The following KLF12 variants were observed in gnomAD, a reference collection of about 807,000 sequenced individuals.
KLF12 encodes KLF transcription factor 12.
In KLF12, 9 loss-of-function variants were observed where a neutral mutation model predicts 37.8. That is an observed-to-expected ratio of 0.24 (90% CI 0.14 to 0.42). The LOEUF (loss-of-function observed/expected upper bound fraction) is 0.42. Ranked by LOEUF, KLF12 falls within the 10% of genes least tolerant of loss-of-function variation. The pLI is 1.00. For synonymous variants in KLF12, 208 were observed against 202.1 expected, an observed-to-expected ratio of 1.03 and a Z score of -0.25; for missense variants, 411 against 516.0, an observed-to-expected ratio of 0.80 and a Z score of 1.97.
the KLF12 span, among the ~76,000 whole-genome samples, chr13:74,255,593 T>A: frequency 6.6e-6 from 1 of 152,220 alleles, no homozygotes; most frequent in Non-Finnish European, 1.5e-5. Context: ...GAGAAGGATA[T>A]CCACAAAACA....
the KLF12 span, among the ~76,000 whole-genome samples, chr13:74,265,170 C>T: frequency 2.6e-5 from 4 of 152,226 alleles, no homozygotes; most frequent in Middle Eastern, 0.01. Flanking sequence ...ATTGTGGCTT[C>T]TCTTGTCAGT....
At chr13:74,238,475 C>T in the KLF12 span, among the ~76,000 whole-genome samples, 2 of 137,942 alleles carry the variant, frequency 1.4e-5, no homozygotes, top group Non-Finnish European at 3.0e-5. Context: ...AGGGAGGATT[C>T]CCTCTTTTTC....
intron 1 of KLF12, among the ~76,000 whole-genome samples, chr13:74,066,521 A>G (rs7992090): frequency 0.92 from 140,023 of 152,042 alleles, 65,571 homozygotes; most frequent in East Asian, 1. Flanking sequence ...AAATTAGCCA[A>G]CACGCACCTG....
intron 3 of KLF12, among the ~76,000 whole-genome samples, chr13:73,889,370 G>A (rs1234321167): frequency 6.6e-6 from 1 of 152,142 alleles, no homozygotes; most frequent in Non-Finnish European, 1.5e-5. Flanking sequence ...ACACTAAGTA[G>A]TATTCATCAT....
At chr13:74,284,293 G>A in the KLF12 span, among the ~76,000 whole-genome samples, 1 of 152,142 alleles carries the variant, frequency 6.6e-6, no homozygotes, top group Non-Finnish European at 1.5e-5. Flanking sequence ...TTAGAGAGAG[G>A]CTGAATGCCA....
the KLF12 span, among the ~76,000 whole-genome samples, chr13:74,285,820 A>G: frequency 6.6e-6 from 1 of 152,200 alleles, no homozygotes; most frequent in Non-Finnish European, 1.5e-5. Flanking sequence ...GCACCTAATC[A>G]TGCTTTGTAA....
chr13:73,733,222 A>G (rs1475779252), intron 6 of KLF12, among the ~76,000 whole-genome samples: 1 of 152,132 alleles, frequency 6.6e-6, no homozygotes, highest in African/African-American at 2.4e-5. Flanking sequence ...CAGTCACACT[A>G]TTGTGTAACC....
At chr13:74,033,208 G>A (rs1893159855) in intron 1 of KLF12, among the ~76,000 whole-genome samples, 1 of 152,140 alleles carries the variant, frequency 6.6e-6, no homozygotes, top group South Asian at 2.1e-4. Context: ...AAAACTCTCA[G>A]ACTCTGCAAA....
chr13:74,171,069 C>T, the KLF12 span, among the ~76,000 whole-genome samples: 1 of 152,112 alleles, frequency 6.6e-6, no homozygotes, highest in Non-Finnish European at 1.5e-5. Context: ...CCAGCCAGTA[C>T]CTTGTTTTAG....
chr13:74,296,895 T>C, the KLF12 span, among the ~76,000 whole-genome samples: 6 of 152,314 alleles, frequency 3.9e-5, no homozygotes, highest in African/African-American at 1.4e-4. Flanking sequence ...TACAAGAGCC[T>C]ACAGATCTGG....
At chr13:73,938,117 G>C (rs1433529052) in intron 3 of KLF12, among the ~76,000 whole-genome samples, 1 of 152,192 alleles carries the variant, frequency 6.6e-6, no homozygotes, top group Non-Finnish European at 1.5e-5. Context: ...TTCCACAGCA[G>C]GAGAGGGAAT....
At chr13:74,071,655 T>C (rs996022528) in intron 1 of KLF12, among the ~76,000 whole-genome samples, 11 of 152,064 alleles carry the variant, frequency 7.2e-5, no homozygotes, top group Non-Finnish European at 1.5e-4. Flanking sequence ...ATCGCACCAC[T>C]GCACTCCAGC....
chr13:74,298,608 G>A, the KLF12 span, among the ~76,000 whole-genome samples: 2 of 152,120 alleles, frequency 1.3e-5, no homozygotes, highest in Non-Finnish European at 2.9e-5. Flanking sequence ...GGCTAAAATG[G>A]CAGGGTTTTA....
intron 6 of KLF12, among the ~76,000 whole-genome samples, chr13:73,762,012 C>T (rs1879591923): frequency 2.0e-5 from 3 of 152,198 alleles, no homozygotes; most frequent in Admixed American, 1.3e-4. Context: ...TATGTCTGGC[C>T]TGGCTTGCTA....
At chr13:73,851,600 T>C (rs371370487) in intron 3 of KLF12, among the ~76,000 whole-genome samples, 7 of 152,132 alleles carry the variant, frequency 4.6e-5, no homozygotes, top group African/African-American at 1.4e-4. Flanking sequence ...ATATAACAAA[T>C]AGATTCAAAT....
At position 73,689,276 on chromosome 13, in the gene KLF12, G is replaced by C. The variant is rs1264390887; in HGVS notation, c.*6214C>G. 1.3e-5 allele frequency: 2 copies of C among 151,976 alleles called. No homozygotes were observed. Among genetic ancestry groups the C allele is most frequent in the African/African-American group, 4.8e-5 (2 of 41,372 alleles). 9.4% of individuals were successfully genotyped at this position (151,976 alleles called of 1,614,324 possible). ...CTCCCTTTTCTTCTTTCTAACATTG[G>C]GAGGAGAAAACAGTGGATGTTTTTT... On this transcript the variant is annotated 3_prime_UTR_variant, in exon 8 of 8. Coordinates refer to ENST00000377669, the MANE Select transcript of KLF12 (RefSeq NM_007249.5).
At chr13:74,223,501 A>G in the KLF12 span, among the ~76,000 whole-genome samples, 1 of 152,178 alleles carries the variant, frequency 6.6e-6, no homozygotes, top group African/African-American at 2.4e-5. Flanking sequence ...TGGGACAAGT[A>G]TGGTAAAGGA....
At chr13:73,929,875 AG>A (rs879304194) in intron 3 of KLF12, among the ~76,000 whole-genome samples, 3 of 152,240 alleles carry the variant, frequency 2.0e-5, no homozygotes, top group Admixed American at 1.3e-4. Context: ...CCTAGCAGCA[AG>A]AGAGTCTAGG....
intron 3 of KLF12, among the ~76,000 whole-genome samples, chr13:73,924,224 T>G (rs1369066535): frequency 6.6e-6 from 1 of 152,214 alleles, no homozygotes; most frequent in Admixed American, 6.5e-5. Context: ...TAAGTACAGG[T>G]AGATTTCATT....
Sources: allele counts gnomAD v4.1 joint callset (sites outside exome capture counted in the v4.1 genomes callset), GRCh38; gene constraint gnomAD v4.1.1; transcripts MANE v1.5; gene names NCBI Gene and HGNC (gene_info 2026-07-23, HGNC 2026-07-21).